The following CCDC38 variants were observed in gnomAD, a reference collection of about 807,000 sequenced individuals.
CCDC38 encodes the protein coiled-coil domain-containing protein 38.
Under a neutral mutation model 72.8 loss-of-function variants are expected in CCDC38, and 69 were observed. The observed-to-expected ratio is 0.95, with a 90% CI of 0.78 to 1.16. The LOEUF (loss-of-function observed/expected upper bound fraction) is 1.16, where lower values mean the gene tolerates loss of function less well. Among genes scored for constraint, CCDC38 ranks in the 50% most tolerant of loss-of-function variants. CCDC38 has a pLI of 0.00. For missense variants in CCDC38, 626 were observed against 638.9 expected (o/e 0.98, Z 0.22); for synonymous variants, 201 against 213.2 (o/e 0.94, Z 0.50).
At chr12:95,927,060 G>A (rs931934131) in intron 2 of CCDC38, among the ~76,000 whole-genome samples, 1 of 152,080 alleles carries the variant, frequency 6.6e-6, no homozygotes, top group Non-Finnish European at 1.5e-5. Context: ...TATTAGGTCT[G>A]CTTGGTGCAG....
chr12:95,926,242 A>G (rs1592802216), intron 2 of CCDC38, among the ~76,000 whole-genome samples: 1 of 150,762 alleles, frequency 6.6e-6, no homozygotes, highest in East Asian at 2.0e-4. Context: ...CTATTCAGAG[A>G]TTCAACTTCT....
chr12:95,889,038 T>A, intron 9 of CCDC38: 1 of 172,418 alleles, frequency 5.8e-6, no homozygotes, highest in Non-Finnish European at 1.2e-5. Flanking sequence ...CTCAGCTTTT[T>A]TTTTTTTTTT....
At chr12:95,892,315 C>T (rs551965733) in intron 8 of CCDC38, among the ~76,000 whole-genome samples, 65 of 112,980 alleles carry the variant, frequency 5.8e-4, no homozygotes, top group Non-Finnish European at 8.8e-4. Flanking sequence ...GACAGGGTCT[C>T]GTTCTGTTGC....
chr12:95,917,082 A>G (rs775868507), intron 4 of CCDC38, 47 bp downstream of exon 4: 3 of 1,480,962 alleles, frequency 2.0e-6, no homozygotes, highest in East Asian at 4.8e-5. Flanking sequence ...CCTGACATTA[A>G]TAGTAAATAT....
intron 5 of CCDC38, among the ~76,000 whole-genome samples, chr12:95,905,165 A>G (rs1176995598): frequency 6.6e-6 from 1 of 152,166 alleles, no homozygotes; most frequent in African/African-American, 2.4e-5. Context: ...CAAAATTTGT[A>G]TTATTTTGTT....
chr12:95,873,261 T>C (rs1490255519), intron 13 of CCDC38, among the ~76,000 whole-genome samples: 1 of 152,224 alleles, frequency 6.6e-6, no homozygotes, highest in African/African-American at 2.4e-5. Context: ...AGCTACATCT[T>C]ATGCTTAAAC....
At chr12:95,918,393 C>A (rs1285767541) in intron 3 of CCDC38, among the ~76,000 whole-genome samples, 1 of 152,194 alleles carries the variant, frequency 6.6e-6, no homozygotes, top group Non-Finnish European at 1.5e-5. Flanking sequence ...CCACTAACAG[C>A]CTTTTTTCCA....
chr12:95,891,911 A>G (rs1461262035), intron 8 of CCDC38, among the ~76,000 whole-genome samples: 1 of 151,968 alleles, frequency 6.6e-6, no homozygotes, highest in African/African-American at 2.4e-5. Flanking sequence ...TAGTTCGCCA[A>G]TTTCTGTGTT....
chr12:95,930,068 G>A (rs1311503003), intron 2 of CCDC38, among the ~76,000 whole-genome samples: 5 of 152,096 alleles, frequency 3.3e-5, no homozygotes, highest in Non-Finnish European at 7.4e-5. Flanking sequence ...CATTTGCAAA[G>A]ATCCTTTTCC....
intron 14 of CCDC38, among the ~76,000 whole-genome samples, chr12:95,870,281 C>T (rs976456397): frequency 7.9e-5 from 12 of 152,210 alleles, no homozygotes; most frequent in East Asian, 1.9e-4. Context: ...AAATTGTGAG[C>T]AAGAAATGCT....
chr12:95,927,293 G>A lies in CCDC38; in HGVS notation c.38-8317C>T, dbSNP rs552801453. Among the ~76,000 whole-genome samples the A allele has an allele frequency of 1.1e-3, 172 of 152,008 alleles. 2 individuals are homozygous for A. Among genetic ancestry groups the A allele is most frequent in the African/African-American group, 4.0e-3 (165 of 41,448 alleles). Reference sequence around the variant, plus strand: ...GTTGAATTGATCCCTTTACCATTATGTAATGGCCTTGTCTCTTTTGATCTT... The same window carrying A: ...GTTGAATTGATCCCTTTACCATTATATAATGGCCTTGTCTCTTTTGATCTT... On this transcript the variant is annotated intron_variant, in intron 2 of 15. Coordinates refer to ENST00000344280, the MANE Select transcript of CCDC38 (RefSeq NM_182496.3).
chr12:95,889,599 C>T (rs889048759), intron 9 of CCDC38, among the ~76,000 whole-genome samples: 3 of 152,164 alleles, frequency 2.0e-5, no homozygotes, highest in African/African-American at 7.2e-5. Context: ...AGGGTCATTT[C>T]TGGGCAGGCA....
At chr12:95,882,669 C>T (rs544337284) in intron 10 of CCDC38, among the ~76,000 whole-genome samples, 3 of 152,288 alleles carry the variant, frequency 2.0e-5, no homozygotes, top group East Asian at 1.9e-4. Context: ...ACTCTCTTCC[C>T]ACCTCTCTGA....
At chr12:95,869,221 T>C (rs1227195289) in intron 15 of CCDC38, among the ~76,000 whole-genome samples, 1 of 152,156 alleles carries the variant, frequency 6.6e-6, no homozygotes, top group African/African-American at 2.4e-5. Context: ...AAAAAAATTA[T>C]CTGATTTTAA....
chr12:95,941,577 C>T (rs925483743), intron 1 of CCDC38, among the ~76,000 whole-genome samples: 1 of 152,160 alleles, frequency 6.6e-6, no homozygotes, highest in Non-Finnish European at 1.5e-5. Context: ...ATAATTTTAA[C>T]CCATCCTTTA....
At chr12:95,888,075 A>G (rs1174433170) in intron 10 of CCDC38, among the ~76,000 whole-genome samples, 2 of 152,178 alleles carry the variant, frequency 1.3e-5, no homozygotes, top group Non-Finnish European at 2.9e-5. Flanking sequence ...CAAATGAGTG[A>G]ACAATTAAGT....
intron 2 of CCDC38, among the ~76,000 whole-genome samples, chr12:95,921,331 C>G (rs1344855438): frequency 1.3e-5 from 2 of 152,070 alleles, no homozygotes; most frequent in Non-Finnish European, 2.9e-5. Flanking sequence ...GTGTAATTGT[C>G]TATTTTCACA....
chr12:95,915,055 C>CA (rs1194250512), intron 4 of CCDC38, among the ~76,000 whole-genome samples: 3 of 152,004 alleles, frequency 2.0e-5, no homozygotes, highest in South Asian at 2.1e-4. Flanking sequence ...CTTCAATATC[C>CA]AAAAAAATCC....
rs141800397 is a variant in CCDC38, at chr12:95,874,818, C to T, written c.1279-2358G>A. On this transcript the variant is annotated intron_variant, in intron 13 of 15. Coordinates refer to ENST00000344280, the MANE Select transcript of CCDC38 (RefSeq NM_182496.3). The stretch of plus-strand genomic sequence containing the variant: ...TTTAGGAGGAATCATTGTATCAAAA[C>T]GGGAGAGGGGAAAGGTTGCCGGGGT... Among the ~76,000 whole-genome samples, 17 of 152,250 alleles carry T rather than the reference C, an allele frequency of 1.1e-4. 1 individual carries two copies. The East Asian group carries it at 2.9e-3, about 26-fold the overall frequency.
Sources: gnomAD v4.1 joint callset for allele counts (sites outside exome capture counted in the v4.1 genomes callset) on GRCh38, gnomAD v4.1.1 for gene constraint, MANE v1.5 for transcripts, NCBI Gene and HGNC (gene_info 2026-07-23, HGNC 2026-07-21) for gene names.